Variants in PTGER3 observed in about 807,000 individuals in gnomAD.
PTGER3 encodes prostaglandin E receptor 3, also known as prostaglandin E2 receptor EP3 subtype.
PTGER3 carries 22 observed loss-of-function variants against 34.7 expected under a neutral mutation model. The observed-to-expected ratio is 0.63, with a 90% CI of 0.45 to 0.91. The LOEUF (loss-of-function observed/expected upper bound fraction) is 0.91. PTGER3 is among the 40% of genes least tolerant of loss of function. The pLI, the probability that PTGER3 is intolerant of heterozygous loss-of-function variation, is 0.00. For synonymous variants in PTGER3, 241 were observed against 230.1 expected (o/e 1.05, Z -0.43); for missense variants, 468 against 519.4 (o/e 0.90, Z 0.96).
At position 71,047,688 on chromosome 1, in the gene PTGER3, G is replaced by GC; in HGVS notation, c.-112dup. On this transcript the variant is annotated 5_prime_UTR_variant, in exon 1 of 4. Coordinates refer to ENST00000306666, the MANE Select transcript of PTGER3 (RefSeq NM_198719.2). ...CGTTTACCGCGGCTGGGGCTGGGCT[G>GC]CCCCCCATGGTGCGGGGCGCAGCCG... 1.6e-6 allele frequency: 2 copies of GC among 1,287,328 alleles called. No homozygotes were observed. The highest frequency in any genetic ancestry group is 1.0e-6 in the Non-Finnish European group (1 of 968,390). The allele number at this position is 1,287,328 out of a possible 1,614,324, so 79.7% of individuals were successfully genotyped here. A position where few individuals can be genotyped will look rare whatever the true frequency, so the allele number is the denominator to read the frequency against.
At chr1:70,908,117 A>G (rs1190892968) in intron 4 of PTGER3, among the ~76,000 whole-genome samples, 1 of 152,184 alleles carries the variant, frequency 6.6e-6, no homozygotes, top group East Asian at 1.9e-4. Flanking sequence ...TGCTTGTGCA[A>G]TAGGCCGAAA....
intron 2 of PTGER3, chr1:71,006,746 T>C (rs907616245): frequency 1.1e-5 from 11 of 985,090 alleles, no homozygotes; most frequent in African/African-American, 1.0e-4. Flanking sequence ...TTGCATTACA[T>C]TGTGCTATTA....
chr1:70,954,731 G>A (rs937410508), intron 2 of PTGER3, among the ~76,000 whole-genome samples: 3 of 151,870 alleles, frequency 2.0e-5, no homozygotes, highest in Non-Finnish European at 4.4e-5. Flanking sequence ...TCTCTTGATG[G>A]CATTTTGCTA....
intron 4 of PTGER3, among the ~76,000 whole-genome samples, chr1:70,869,076 G>C (rs1646106627): frequency 6.6e-6 from 1 of 152,150 alleles, no homozygotes; most frequent in Non-Finnish European, 1.5e-5. Context: ...ACGTATTACA[G>C]CCTGCAGTAC....
chr1:70,936,690 G>C (rs1317162438), intron 4 of PTGER3, among the ~76,000 whole-genome samples: 2 of 152,118 alleles, frequency 1.3e-5, no homozygotes, highest in East Asian at 3.9e-4. Flanking sequence ...TAACACAAGA[G>C]AACAAAGGTG....
intron 1 of PTGER3, among the ~76,000 whole-genome samples, chr1:71,026,345 G>A (rs1488599647): frequency 1.3e-5 from 2 of 152,110 alleles, no homozygotes; most frequent in African/African-American, 4.8e-5. Flanking sequence ...ACACATAGGT[G>A]GCAGCTGAAA....
chr1:70,925,303 C>T (rs1024238789), intron 4 of PTGER3, among the ~76,000 whole-genome samples: 2 of 152,208 alleles, frequency 1.3e-5, no homozygotes, highest in Admixed American at 1.3e-4. Context: ...CCATGCTCAG[C>T]TACGCACTCA....
At chr1:70,913,634 ATT>A (rs1647108926) in intron 4 of PTGER3, among the ~76,000 whole-genome samples, 1 of 151,938 alleles carries the variant, frequency 6.6e-6, no homozygotes, top group African/African-American at 2.4e-5. Context: ...CAAGCCTTTT[ATT>A]AGGAAAAAGA....
At chr1:71,020,587 CA>C (rs998106961) in intron 1 of PTGER3, among the ~76,000 whole-genome samples, 8 of 148,894 alleles carry the variant, frequency 5.4e-5, no homozygotes, top group Non-Finnish European at 8.9e-5. Flanking sequence ...AATTCCTCTT[CA>C]AAAAAAAACT....
rs534517421 is a variant in PTGER3, at chr1:70,882,387, G to A, written c.*24-29528C>T. Among the ~76,000 whole-genome samples, 14 of 152,324 alleles carry A rather than the reference G, an allele frequency of 9.2e-5. No individual in the cohort carries two copies. The South Asian group carries it at 2.9e-3, about 32-fold the overall frequency. On this transcript the variant is annotated intron_variant, in intron 4 of 4. Coordinates refer to the PTGER3 transcript ENST00000370931. ...GGGGATGGGTGAGATCACTTGTTCT[G>A]CCATCTGGGTGCTTCCTGGGACAGC...
chr1:70,878,351 ATCT>A (rs1245745244), intron 4 of PTGER3, among the ~76,000 whole-genome samples: 1 of 151,602 alleles, frequency 6.6e-6, no homozygotes, highest in Non-Finnish European at 1.5e-5. Flanking sequence ...GTTTATTTGA[ATCT>A]TCTTTCCTTT....
downstream of PTGER3, among the ~76,000 whole-genome samples, chr1:70,952,108 C>G (rs1650817493): frequency 6.6e-6 from 1 of 152,004 alleles, no homozygotes; most frequent in Admixed American, 6.6e-5. Flanking sequence ...GTATTAGGAG[C>G]AGGTGTGGTG....
At chr1:71,034,200 T>A (rs560977782) in intron 1 of PTGER3, among the ~76,000 whole-genome samples, 1 of 152,100 alleles carries the variant, frequency 6.6e-6, no homozygotes, top group East Asian at 1.9e-4. Context: ...TATTAATAAC[T>A]ACAAAACAAT....
intron 1 of PTGER3, among the ~76,000 whole-genome samples, chr1:71,018,401 A>C (rs1401785890): frequency 6.6e-6 from 1 of 152,212 alleles, no homozygotes; most frequent in East Asian, 1.9e-4. Flanking sequence ...GGCATCAGTC[A>C]ATGTGTTTGA....
chr1:71,046,735 G>T lies in PTGER3; in HGVS notation c.843C>A (p.Ala281=), dbSNP rs1401516352. Residue 281 remains alanine (A), a synonymous_variant, in exon 1 of 4, where the codon GCC becomes GCA. Coordinates refer to ENST00000306666, the MANE Select transcript of PTGER3 (RefSeq NM_198719.2). ...CGCACATGATCCCCATAAGCTGAATGGCCGTCTCGGTCGTGATGCGGCCCC... is the reference window on the plus strand; with the variant it reads ...CGCACATGATCCCCATAAGCTGAATTGCCGTCTCGGTCGTGATGCGGCCCC... The part of the protein sequence containing the change: ...AQWGRITTET[A]IQLMGIMCVL... The T allele has an allele frequency of 2.5e-6, 4 of 1,610,464 alleles. No individual in the cohort carries two copies. In the African/African-American group the frequency reaches 5.3e-5, roughly 22 times the overall value.
chr1:71,035,793 C>A (rs1325460696), intron 1 of PTGER3, among the ~76,000 whole-genome samples: 2 of 152,356 alleles, frequency 1.3e-5, no homozygotes, highest in East Asian at 1.9e-4. Flanking sequence ...ATCCATCCAT[C>A]TGGCCTTCTT....
intron 4 of PTGER3, among the ~76,000 whole-genome samples, chr1:70,901,452 A>T (rs1018910008): frequency 3.3e-5 from 5 of 152,230 alleles, no homozygotes; most frequent in African/African-American, 1.2e-4. Flanking sequence ...AAGTTGTATT[A>T]TAGTAGAAAT....
intron 4 of PTGER3, among the ~76,000 whole-genome samples, chr1:70,929,285 G>A (rs1238010113): frequency 3.3e-5 from 5 of 152,108 alleles, no homozygotes; most frequent in African/African-American, 4.8e-5. Context: ...TGGAGTTCTT[G>A]TCTATCATTC....
At position 70,856,140 on chromosome 1, in the gene PTGER3, T is replaced by C. The variant is rs543535605; in HGVS notation, c.*24-3281A>G. Among the ~76,000 whole-genome samples the C allele has an allele frequency of 2.6e-5, 4 of 152,292 alleles. No individual in the cohort carries two copies. In the South Asian group the frequency reaches 6.2e-4, roughly 24 times the overall value. ...AATGCTTGTAGACTTCCAAGGTGTC[T>C]ATCACTATACTCTGATAGCTGAAGA... On this transcript the variant is annotated intron_variant, in intron 4 of 4. Coordinates refer to the PTGER3 transcript ENST00000370931.
Sources: gnomAD v4.1 joint callset for allele counts (sites outside exome capture counted in the v4.1 genomes callset) on GRCh38, gnomAD v4.1.1 for gene constraint, MANE v1.5 for transcripts, NCBI Gene and HGNC (gene_info 2026-07-23, HGNC 2026-07-21) for gene names.